The following UNC13C variants were observed in gnomAD, a reference collection of about 807,000 sequenced individuals.
The protein encoded by UNC13C is unc-13 homolog C, also known as protein unc-13 homolog C.
A neutral mutation model predicts 245.4 loss-of-function variants in UNC13C; 174 were observed. That is an observed-to-expected ratio of 0.71 (90% CI 0.63 to 0.80). The LOEUF (loss-of-function observed/expected upper bound fraction) is 0.80, where lower values mean the gene tolerates loss of function less well. Ranked by LOEUF, UNC13C falls within the 30% of genes least tolerant of loss-of-function variation. The pLI is 0.00. For synonymous variants in UNC13C, 992 were observed against 895.1 expected, an observed-to-expected ratio of 1.11 and a Z score of -1.93; for missense variants, 2,829 against 2,602.9, an observed-to-expected ratio of 1.09 and a Z score of -1.89.
chr15:54,052,915 G>A (rs918333254), intron 2 of UNC13C, among the ~76,000 whole-genome samples: 1 of 152,142 alleles, frequency 6.6e-6, no homozygotes, highest in Non-Finnish European at 1.5e-5. Context: ...TATTAGGTTG[G>A]TTGTAATGGC....
intron 17 of UNC13C, among the ~76,000 whole-genome samples, chr15:54,346,948 T>C (rs1284284936): frequency 6.6e-6 from 1 of 152,166 alleles, no homozygotes; most frequent in Non-Finnish European, 1.5e-5. Flanking sequence ...AAATAAAATT[T>C]CAAACAGATT....
At chr15:54,407,370 A>G (rs1411461799) in intron 18 of UNC13C, among the ~76,000 whole-genome samples, 2 of 152,198 alleles carry the variant, frequency 1.3e-5, no homozygotes, top group South Asian at 2.1e-4. Context: ...GGATCGTGGC[A>G]GAGGTGGATG....
At chr15:53,875,578 A>G in the UNC13C span, among the ~76,000 whole-genome samples, 5 of 152,166 alleles carry the variant, frequency 3.3e-5, no homozygotes, top group Non-Finnish European at 7.3e-5. Flanking sequence ...TTTTTAAGCT[A>G]GAGTAATGTG....
the UNC13C span, among the ~76,000 whole-genome samples, chr15:53,967,419 T>A: frequency 6.6e-6 from 1 of 152,092 alleles, no homozygotes; most frequent in Non-Finnish European, 1.5e-5. Context: ...TGCTTTCAAG[T>A]GAGTACCTTT....
intron 2 of UNC13C, among the ~76,000 whole-genome samples, chr15:54,092,057 T>C (rs1216260805): frequency 6.6e-6 from 1 of 152,200 alleles, no homozygotes; most frequent in African/African-American, 2.4e-5. Flanking sequence ...TCCCCTCTCT[T>C]AGGAGCAGAG....
At chr15:54,372,943 A>C (rs1440899133) in intron 17 of UNC13C, among the ~76,000 whole-genome samples, 5 of 152,240 alleles carry the variant, frequency 3.3e-5, no homozygotes, top group African/African-American at 1.2e-4. Flanking sequence ...GAACTATGGT[A>C]CTGGATAGCA....
chr15:53,848,872 C>G, the UNC13C span, among the ~76,000 whole-genome samples: 52 of 152,046 alleles, frequency 3.4e-4, no homozygotes, highest in African/African-American at 1.3e-3. Context: ...GAATTGACCT[C>G]ACTAACATTA....
At chr15:54,066,316 T>C (rs1459527416) in intron 2 of UNC13C, among the ~76,000 whole-genome samples, 1 of 152,256 alleles carries the variant, frequency 6.6e-6, no homozygotes, top group African/African-American at 2.4e-5. Flanking sequence ...GATTTCTTTT[T>C]CCCTTCTCTG....
At chr15:54,502,069 A>G (rs1044595667) in intron 22 of UNC13C, among the ~76,000 whole-genome samples, 1 of 152,200 alleles carries the variant, frequency 6.6e-6, no homozygotes, top group African/African-American at 2.4e-5. Flanking sequence ...AACTACTTAC[A>G]CAGTTCTATG....
chr15:53,940,766 T>A, the UNC13C span, among the ~76,000 whole-genome samples: 1 of 152,018 alleles, frequency 6.6e-6, no homozygotes, highest in Admixed American at 6.6e-5. Flanking sequence ...ACAAGGGAAG[T>A]GAAGGTCCTA....
chr15:54,045,246 G>T (rs760350637), intron 2 of UNC13C, among the ~76,000 whole-genome samples: 17 of 151,908 alleles, frequency 1.1e-4, no homozygotes, highest in Non-Finnish European at 2.2e-4. Context: ...TATAAAACAG[G>T]GGTTTAGTTT....
chr15:54,098,112 G>A (rs1899969139), intron 2 of UNC13C, among the ~76,000 whole-genome samples: 1 of 152,164 alleles, frequency 6.6e-6, no homozygotes, highest in Non-Finnish European at 1.5e-5. Flanking sequence ...GCCATTCTGG[G>A]GATGGGATAG....
chr15:54,330,549 C>A (rs2038411799), intron 14 of UNC13C, among the ~76,000 whole-genome samples: 4 of 151,926 alleles, frequency 2.6e-5, no homozygotes, highest in Admixed American at 2.0e-4. Context: ...ATGGTTTGTG[C>A]CAATCACAGA....
intron 10 of UNC13C, among the ~76,000 whole-genome samples, chr15:54,289,383 A>G (rs1425501038): frequency 6.6e-6 from 1 of 152,146 alleles, no homozygotes; most frequent in African/African-American, 2.4e-5. Context: ...TATAGTGAGC[A>G]AGATTTGACC....
intron 25 of UNC13C, among the ~76,000 whole-genome samples, chr15:54,530,857 C>T (rs1249306822): frequency 6.6e-6 from 1 of 152,098 alleles, no homozygotes; most frequent in Non-Finnish European, 1.5e-5. Flanking sequence ...CCAGATTATG[C>T]TGGGCTTTCA....
chr15:54,393,232 A>C (rs2040000601), intron 18 of UNC13C, 51 bp downstream of exon 18: 1 of 1,422,268 alleles, frequency 7.0e-7, no homozygotes, highest in Non-Finnish European at 9.3e-7. Context: ...TAAAGTTCAA[A>C]TAATACATAT....
intron 4 of UNC13C, among the ~76,000 whole-genome samples, chr15:54,188,391 T>G (rs1461009588): frequency 6.6e-6 from 1 of 152,104 alleles, no homozygotes; most frequent in Non-Finnish European, 1.5e-5. Context: ...AAATAATAAT[T>G]ATATAAAGAA....
At chr15:54,339,612 G>T (rs1392062341) in intron 17 of UNC13C, among the ~76,000 whole-genome samples, 1 of 150,240 alleles carries the variant, frequency 6.7e-6, no homozygotes, top group African/African-American at 2.5e-5. Context: ...CCTTTTTATG[G>T]CTGAATAGTA....
chr15:54,303,263 G>A (rs996593572), intron 13 of UNC13C, among the ~76,000 whole-genome samples: 2 of 152,084 alleles, frequency 1.3e-5, no homozygotes, highest in Admixed American at 1.3e-4. Context: ...CTATGATTCA[G>A]AACACCTAGT....
Sources: allele counts gnomAD v4.1 joint callset (sites outside exome capture counted in the v4.1 genomes callset), GRCh38; gene constraint gnomAD v4.1.1; transcripts MANE v1.5; gene names NCBI Gene and HGNC (gene_info 2026-07-23, HGNC 2026-07-21).